SDCCAG8: variants seen among roughly 807,000 people sequenced by gnomAD.
SDCCAG8 encodes the protein serologically defined colon cancer antigen 8.
SDCCAG8 carries 74 observed loss-of-function variants against 101.8 expected under a neutral mutation model. The ratio of observed to expected loss-of-function variants is 0.73; its 90% confidence interval spans 0.60 to 0.88. SDCCAG8 has a LOEUF of 0.88. Among genes scored for constraint, SDCCAG8 ranks in the 40% least tolerant of loss-of-function variants. The pLI is 0.00. For synonymous variants in SDCCAG8, 281 were observed against 292.9 expected, an observed-to-expected ratio of 0.96 and a Z score of 0.41; for missense variants, 787 against 822.6, an observed-to-expected ratio of 0.96 and a Z score of 0.53.
chr1:243,426,329 A>T, intron 15 of SDCCAG8, 98 bp from the exon 16 acceptor site: 1 of 1,024,176 alleles, frequency 9.8e-7, no homozygotes, highest in Non-Finnish European at 1.5e-6. Flanking sequence ...TATCATGTTT[A>T]AGTGTGGAGT....
At chr1:243,383,436 A>G (rs750228627) in intron 13 of SDCCAG8, among the ~76,000 whole-genome samples, 15 of 152,352 alleles carry the variant, frequency 9.8e-5, no homozygotes, top group Middle Eastern at 6.8e-3. Flanking sequence ...ATAATCAATG[A>G]TTCTAATAAT....
At chr1:243,345,174 G>C (rs1477318094) in intron 12 of SDCCAG8, among the ~76,000 whole-genome samples, 1 of 151,980 alleles carries the variant, frequency 6.6e-6, no homozygotes, top group African/African-American at 2.4e-5. Context: ...CTAGTTCGAG[G>C]TTTTTCATCA....
intron 13 of SDCCAG8, among the ~76,000 whole-genome samples, chr1:243,403,018 G>A (rs1041620644): frequency 6.6e-6 from 1 of 152,170 alleles, no homozygotes; most frequent in African/African-American, 2.4e-5. Context: ...ATGTTGAAGA[G>A]TTGTTGAAAA....
rs376671577 is a variant in SDCCAG8 at position 243,364,720 on chromosome 1, G to C, written c.1474-14001G>C. The stretch of plus-strand genomic sequence containing the variant: ...TTTAGTTTGAACTGGAAAAACATTT[G>C]AGGTTTTCTTGGTTTGAGAGAAAAT... On this transcript the variant is annotated intron_variant, in intron 12 of 17. Coordinates refer to ENST00000366541, the MANE Select transcript of SDCCAG8 (RefSeq NM_006642.5). 8.5e-5 allele frequency among the ~76,000 whole-genome samples: 13 copies of C among 152,244 alleles called. No homozygotes were observed. In the South Asian group the frequency reaches 2.5e-3, roughly 29 times the overall value.
At chr1:243,307,950 A>G (rs1196531883) in intron 7 of SDCCAG8, 39 bp from the exon 8 acceptor site, 1 of 1,609,714 alleles carries the variant, frequency 6.2e-7, no homozygotes, top group Non-Finnish European at 8.5e-7. Context: ...ATGTAATTTT[A>G]CCTGGCCATT....
At chr1:243,478,404 A>G (rs1047277891) in intron 16 of SDCCAG8, among the ~76,000 whole-genome samples, 1 of 152,146 alleles carries the variant, frequency 6.6e-6, no homozygotes, top group African/African-American at 2.4e-5. Context: ...CCCTAACATA[A>G]TATGATTCTT....
chr1:243,486,202 CAAAA>C (rs57724631), intron 16 of SDCCAG8, among the ~76,000 whole-genome samples: 4,540 of 61,208 alleles, frequency 0.074, 74 homozygotes, highest in African/African-American at 0.083. Flanking sequence ...ACTCTGCCTC[CAAAA>C]AAAAAAAAAA....
chr1:243,415,849 T>G lies in SDCCAG8; in HGVS notation c.1744+20T>G, dbSNP rs368472127. 203 of 1,611,804 alleles carry G rather than the reference T, an allele frequency of 1.3e-4. No homozygotes were observed. Among genetic ancestry groups the G allele is most frequent in the Middle Eastern group, 7.4e-4 (4 of 5,404 alleles). On this transcript the variant is annotated intron_variant, in intron 14 of 17. Coordinates refer to ENST00000366541, the MANE Select transcript of SDCCAG8 (RefSeq NM_006642.5). Reference sequence around the variant, plus strand: ...AAACTGGTAGGTGGTAGGGAAAGATTAGAGCCTGGGCACTAGCTCACAAGT... The same window carrying G: ...AAACTGGTAGGTGGTAGGGAAAGATGAGAGCCTGGGCACTAGCTCACAAGT...
At chr1:243,354,852 A>G (rs1225973125) in intron 12 of SDCCAG8, among the ~76,000 whole-genome samples, 1 of 152,234 alleles carries the variant, frequency 6.6e-6, no homozygotes, top group East Asian at 1.9e-4. Context: ...AATGAAACCA[A>G]AAACAATTTT....
At chr1:243,499,065 T>C (rs1668820356) in intron 17 of SDCCAG8, among the ~76,000 whole-genome samples, 1 of 152,224 alleles carries the variant, frequency 6.6e-6, no homozygotes, top group Non-Finnish European at 1.5e-5. Context: ...GTTCCTGATG[T>C]GGTTTAAACT....
chr1:243,379,472 T>C (rs1157665742), intron 13 of SDCCAG8, among the ~76,000 whole-genome samples: 2 of 152,158 alleles, frequency 1.3e-5, no homozygotes, highest in Admixed American at 1.3e-4. Flanking sequence ...TTAGTAAATA[T>C]GTAGCTCGGC....
At chr1:243,274,508 T>G in intron 3 of SDCCAG8, 35 bp from the exon 4 acceptor site, 2 of 1,225,616 alleles carry the variant, frequency 1.6e-6, no homozygotes, top group Non-Finnish European at 2.4e-6. Flanking sequence ...AAAATTTATG[T>G]ATTTATGTAT....
At chr1:243,456,500 C>T (rs971169498) in intron 16 of SDCCAG8, among the ~76,000 whole-genome samples, 2 of 152,080 alleles carry the variant, frequency 1.3e-5, no homozygotes, top group Non-Finnish European at 2.9e-5. Flanking sequence ...TAATAGTAAA[C>T]CTGTATGAGA....
intron 13 of SDCCAG8, among the ~76,000 whole-genome samples, chr1:243,396,875 G>A (rs1014123428): frequency 1.3e-5 from 2 of 152,182 alleles, no homozygotes; most frequent in Admixed American, 6.5e-5. Flanking sequence ...ATCTTCTGCT[G>A]GTTAGCAGTA....
chr1:243,306,800 ATGCCATTCCAAAGT>A (rs2072178653), intron 7 of SDCCAG8, among the ~76,000 whole-genome samples: 1 of 151,932 alleles, frequency 6.6e-6, no homozygotes, highest in Non-Finnish European at 1.5e-5. Context: ...CAACTTTGGA[ATGCCATTCCAAAGT>A]TTTTTTTTAA....
intron 16 of SDCCAG8, among the ~76,000 whole-genome samples, chr1:243,484,149 C>T (rs1006907429): frequency 6.6e-6 from 1 of 152,238 alleles, no homozygotes; most frequent in Non-Finnish European, 1.5e-5. Flanking sequence ...CTCCTGCCAT[C>T]CTCTGTCTGT....
At chr1:243,420,055 G>A (rs2080883472) in intron 15 of SDCCAG8, among the ~76,000 whole-genome samples, 1 of 152,192 alleles carries the variant, frequency 6.6e-6, no homozygotes, top group Non-Finnish European at 1.5e-5. Flanking sequence ...AAACAAATAG[G>A]TGTGGTGCTA....
intron 11 of SDCCAG8, 145 bp from the exon 12 acceptor site, chr1:243,344,070 G>C: frequency 2.9e-6 from 2 of 690,962 alleles, no homozygotes; most frequent in Non-Finnish European, 5.3e-6. Flanking sequence ...AAGCTACGTT[G>C]AATAGTCTAA....
chr1:243,354,479 A>T (rs1320126751), intron 12 of SDCCAG8, among the ~76,000 whole-genome samples: 1 of 152,238 alleles, frequency 6.6e-6, no homozygotes, highest in Non-Finnish European at 1.5e-5. Context: ...GACATCATCT[A>T]ATTTGCAACA....
Sources: allele counts gnomAD v4.1 joint callset (sites outside exome capture counted in the v4.1 genomes callset), GRCh38; gene constraint gnomAD v4.1.1; transcripts MANE v1.5; gene names NCBI Gene and HGNC (gene_info 2026-07-23, HGNC 2026-07-21).